The following STK39 variants were observed in gnomAD, a reference collection of about 807,000 sequenced individuals.
The protein encoded by STK39 is serine/threonine kinase 39.
STK39 carries 20 observed loss-of-function variants against 77.8 expected under a neutral mutation model. The ratio of observed to expected loss-of-function variants is 0.26; its 90% confidence interval spans 0.18 to 0.37. The LOEUF (loss-of-function observed/expected upper bound fraction) is 0.37, where lower values mean the gene tolerates loss of function less well. STK39 is among the 10% of genes least tolerant of loss of function. STK39 has a pLI of 1.00. For synonymous variants in STK39, 246 were observed against 234.1 expected (o/e 1.05, Z -0.47); for missense variants, 479 against 656.5 (o/e 0.73, Z 2.95).
chr2:168,087,639 T>C (rs1223741256), intron 10 of STK39, among the ~76,000 whole-genome samples: 2 of 152,166 alleles, frequency 1.3e-5, no homozygotes, highest in Non-Finnish European at 2.9e-5. Flanking sequence ...ACCGCCCCCA[T>C]AAATCAAGTA....
At chr2:167,958,544 T>C (rs992700387) in intron 17 of STK39, among the ~76,000 whole-genome samples, 2 of 152,206 alleles carry the variant, frequency 1.3e-5, no homozygotes, top group East Asian at 3.8e-4. Flanking sequence ...CTTTAATGTC[T>C]TGCTTAATAA....
At chr2:167,991,229 A>G (rs1683693298) in intron 16 of STK39, among the ~76,000 whole-genome samples, 1 of 152,220 alleles carries the variant, frequency 6.6e-6, no homozygotes, top group Non-Finnish European at 1.5e-5. Context: ...CAGTGATAGG[A>G]CTGGTCATGA....
intron 14 of STK39, among the ~76,000 whole-genome samples, chr2:168,048,290 G>A (rs946295463): frequency 1.3e-5 from 2 of 149,994 alleles, no homozygotes; most frequent in African/African-American, 4.9e-5. Flanking sequence ...TCGGCTCACT[G>A]CAACCTCCGC....
intron 5 of STK39, among the ~76,000 whole-genome samples, chr2:168,156,109 T>C (rs2105570929): frequency 6.6e-6 from 1 of 152,246 alleles, no homozygotes; most frequent in Admixed American, 6.5e-5. Flanking sequence ...GCCAGAACCC[T>C]TGCAAACCAC....
At chr2:168,057,412 C>T (rs966046492) in intron 14 of STK39, among the ~76,000 whole-genome samples, 1 of 152,150 alleles carries the variant, frequency 6.6e-6, no homozygotes, top group Non-Finnish European at 1.5e-5. Context: ...AGGCTGATCT[C>T]GAACTCCTGA....
Position 168,247,558 on chromosome 2 carries a change from C to CGCCGCCGCCGCT in STK39, c.-124_-123insAGCGGCGGCGGC. 1 of 738,934 alleles carries CGCCGCCGCCGCT rather than the reference C, an allele frequency of 1.4e-6. No individual in the cohort carries two copies. Among genetic ancestry groups the CGCCGCCGCCGCT allele is most frequent in the Non-Finnish European group, 1.7e-6 (1 of 576,262 alleles). 45.8% of individuals were successfully genotyped at this position (738,934 alleles called of 1,614,324 possible). On this transcript the variant is annotated 5_prime_UTR_variant, in exon 1 of 18. Coordinates refer to ENST00000355999, the MANE Select transcript of STK39 (RefSeq NM_013233.3). ...CGCCCTCCCCGCCCGCCGCCGCCGC[C>CGCCGCCGCCGCT]GCCGTCCCCGCCGAAGCCAGCTAGG... is the stretch of plus-strand genomic sequence containing the variant.
chr2:168,168,587 T>C (rs1239247891), intron 2 of STK39, among the ~76,000 whole-genome samples: 1 of 152,228 alleles, frequency 6.6e-6, no homozygotes, highest in East Asian at 1.9e-4. Context: ...TCTTTGCTTG[T>C]CCAGTACTGC....
chr2:167,990,056 T>TA (rs964820730), intron 16 of STK39, among the ~76,000 whole-genome samples: 201 of 144,932 alleles, frequency 1.4e-3, no homozygotes, highest in South Asian at 0.01. Context: ...AACTAAACTG[T>TA]AAAAAAAAAA....
intron 10 of STK39, among the ~76,000 whole-genome samples, chr2:168,082,259 C>T (rs149183492): frequency 2.1e-4 from 32 of 152,272 alleles, no homozygotes; most frequent in African/African-American, 7.0e-4. Context: ...ACCAAAAGAG[C>T]GCCAGGGACC....
rs1342175656 is a variant in STK39 at position 168,174,245 on chromosome 2, A to G, written c.322-6838T>C. Among the ~76,000 whole-genome samples the G allele has an allele frequency of 3.9e-5, 6 of 152,202 alleles. 1 individual carries two copies. Among genetic ancestry groups the G allele is most frequent in the Non-Finnish European group, 7.3e-5 (5 of 68,028 alleles). Reference sequence around the variant, plus strand: ...GCAGTTATAAAAAGTGTAAAGTGTCAGGGCAATTGAAGGTCTGGAAAATCT... The same window carrying G: ...GCAGTTATAAAAAGTGTAAAGTGTCGGGGCAATTGAAGGTCTGGAAAATCT... On this transcript the variant is annotated intron_variant, in intron 2 of 17. Transcript: ENST00000355999.
At chr2:167,983,666 C>T (rs1683487581) in intron 16 of STK39, among the ~76,000 whole-genome samples, 1 of 152,062 alleles carries the variant, frequency 6.6e-6, no homozygotes, top group South Asian at 2.1e-4. Context: ...TTTGAGACAT[C>T]CTTACCCGTC....
chr2:168,150,253 C>A (rs1400640), intron 5 of STK39, among the ~76,000 whole-genome samples: 63,521 of 151,940 alleles, frequency 0.42, 14,936 homozygotes, highest in East Asian at 0.67. Context: ...GTCGAGGAAG[C>A]GTAGCAGGAA....
chr2:168,114,232 A>G (rs1029048136), intron 10 of STK39, among the ~76,000 whole-genome samples: 4 of 152,356 alleles, frequency 2.6e-5, no homozygotes, highest in South Asian at 4.1e-4. Flanking sequence ...TGTGCTCTAC[A>G]GAGACAGGAA....
At chr2:168,063,167 TA>T (rs1685704699) in intron 14 of STK39, among the ~76,000 whole-genome samples, 1 of 151,018 alleles carries the variant, frequency 6.6e-6, no homozygotes. Context: ...AGAAACTCAT[TA>T]AAAATCTCTT....
intron 13 of STK39, among the ~76,000 whole-genome samples, chr2:168,063,808 G>C (rs1176930838): frequency 6.6e-6 from 1 of 152,102 alleles, no homozygotes; most frequent in Non-Finnish European, 1.5e-5. Flanking sequence ...TTCTAGGATG[G>C]GTATCATAAA....
chr2:167,962,210 A>C (rs538957757), intron 17 of STK39, among the ~76,000 whole-genome samples: 1 of 152,344 alleles, frequency 6.6e-6, no homozygotes, highest in South Asian at 2.1e-4. Context: ...GACCATGCGC[A>C]GCAGCAGCTT....
At chr2:168,082,033 A>G (rs1368585719) in intron 10 of STK39, among the ~76,000 whole-genome samples, 1 of 152,000 alleles carries the variant, frequency 6.6e-6, no homozygotes, top group East Asian at 1.9e-4. Flanking sequence ...ATACTAACAC[A>G]TACTCACAGC....
intron 1 of STK39, among the ~76,000 whole-genome samples, chr2:168,225,497 G>GC (rs1479571321): frequency 1.7e-4 from 26 of 151,958 alleles, no homozygotes; most frequent in Non-Finnish European, 3.7e-4. Flanking sequence ...AGCAGAAAAG[G>GC]CAAGACCAGA....
intron 5 of STK39, among the ~76,000 whole-genome samples, chr2:168,151,186 A>G (rs912680595): frequency 6.6e-6 from 1 of 152,232 alleles, no homozygotes; most frequent in African/African-American, 2.4e-5. Context: ...AGGGAGCAGT[A>G]GTCATAACCT....
Sources: gnomAD v4.1 joint callset for allele counts (sites outside exome capture counted in the v4.1 genomes callset) on GRCh38, gnomAD v4.1.1 for gene constraint, MANE v1.5 for transcripts, NCBI Gene and HGNC (gene_info 2026-07-23, HGNC 2026-07-21) for gene names.